The following SEC11A variants were observed in gnomAD, a reference collection of about 807,000 sequenced individuals.
SEC11A encodes the protein SEC11 homolog A, signal peptidase complex subunit.
A neutral mutation model predicts 25.6 loss-of-function variants in SEC11A; 14 were observed. That is an observed-to-expected ratio of 0.55 (90% CI 0.36 to 0.85). The LOEUF is 0.85. SEC11A is among the 40% of genes least tolerant of loss of function. The pLI is 0.01. For missense variants in SEC11A, 153 were observed against 222.9 expected, an observed-to-expected ratio of 0.69 and a Z score of 2.00; for synonymous variants, 83 against 76.4, an observed-to-expected ratio of 1.09 and a Z score of -0.45.
chr15:84,672,942 T>C, intron 4 of SEC11A: 1 of 220,934 alleles, frequency 4.5e-6, no homozygotes, highest in South Asian at 4.4e-5. Context: ...GAGGAGCGTC[T>C]CTGCCCGGCC....
At chr15:84,693,401 ACT>A (rs1897667402) in intron 1 of SEC11A, among the ~76,000 whole-genome samples, 1 of 150,622 alleles carries the variant, frequency 6.6e-6, no homozygotes, top group Admixed American at 6.6e-5. Flanking sequence ...AACTGGGGAA[ACT>A]CAAAATATGA....
chr15:84,692,625 T>C (rs543669913), intron 1 of SEC11A, among the ~76,000 whole-genome samples: 1 of 152,198 alleles, frequency 6.6e-6, no homozygotes, highest in South Asian at 2.1e-4. Context: ...GCAAAAAATA[T>C]TACAAAATCA....
Position 84,669,721 on chromosome 15 carries a change from C to A in SEC11A, c.*298G>T. The A allele has an allele frequency of 2.6e-6, 1 of 389,998 alleles. No individual in the cohort carries two copies. The highest frequency in any genetic ancestry group is 4.7e-6 in the Non-Finnish European group (1 of 211,294). 24.2% of individuals were successfully genotyped at this position (389,998 alleles called of 1,614,324 possible). On this transcript the variant is annotated 3_prime_UTR_variant, in exon 6 of 6. Transcript: ENST00000268220. ...GAAGCTTGGCTTCAAAATACAAACA[C>A]TGGGGGCTTTGGCTCAACCTTTTAA...
At chr15:84,699,107 G>GT (rs1313518431) in intron 1 of SEC11A, among the ~76,000 whole-genome samples, 5 of 152,088 alleles carry the variant, frequency 3.3e-5, no homozygotes, top group African/African-American at 4.8e-5. Context: ...TTGAGGCCAG[G>GT]AGTTTGAGAC....
At chr15:84,710,929 G>A (rs940357415) in intron 1 of SEC11A, among the ~76,000 whole-genome samples, 4 of 151,796 alleles carry the variant, frequency 2.6e-5, no homozygotes, top group African/African-American at 7.3e-5. Flanking sequence ...AAAAATTAGC[G>A]TGTGATCACA....
At chr15:84,672,815 T>C (rs1478363616) in intron 4 of SEC11A, 1 of 210,580 alleles carries the variant, frequency 4.7e-6, no homozygotes, top group South Asian at 5.6e-5. Flanking sequence ...ATCTAGGAAA[T>C]GAGGAGCGTC....
intron 3 of SEC11A, among the ~76,000 whole-genome samples, chr15:84,684,355 T>C (rs1040018413): frequency 6.6e-6 from 1 of 152,136 alleles, no homozygotes; most frequent in East Asian, 1.9e-4. Flanking sequence ...TCTCATGAGA[T>C]CCAATGGTTT....
intron 1 of SEC11A, among the ~76,000 whole-genome samples, chr15:84,714,018 C>CTTTTTTTTT (rs34873142): frequency 3.0e-5 from 3 of 100,430 alleles, no homozygotes; most frequent in Non-Finnish European, 3.7e-5. Flanking sequence ...CATATACCTT[C>CTTTTTTTTT]TTTTTTTTTT....
intron 4 of SEC11A, among the ~76,000 whole-genome samples, chr15:84,677,879 C>A (rs909594037): frequency 6.6e-6 from 1 of 152,066 alleles, no homozygotes; most frequent in African/African-American, 2.4e-5. Flanking sequence ...AGTGAGCAGA[C>A]AGAGCTGTAA....
intron 4 of SEC11A, 96 bp from the exon 5 acceptor site, chr15:84,670,878 A>T (rs1385669494): frequency 1.8e-6 from 1 of 552,564 alleles, no homozygotes; most frequent in Non-Finnish European, 3.2e-6. Context: ...TAGAATACTA[A>T]TTTTCAATTC....
chr15:84,689,641 AT>A (rs1897542802), intron 2 of SEC11A, among the ~76,000 whole-genome samples: 4 of 145,130 alleles, frequency 2.8e-5, no homozygotes, highest in African/African-American at 1.0e-4. Flanking sequence ...CAAAATTTCA[AT>A]TGTCACCCAG....
intron 1 of SEC11A, among the ~76,000 whole-genome samples, chr15:84,708,304 G>A (rs11636294): frequency 0.019 from 2,954 of 151,726 alleles, 52 homozygotes; most frequent in South Asian, 0.035. Flanking sequence ...ATGTAATGGG[G>A]ACTGATATCA....
intron 1 of SEC11A, among the ~76,000 whole-genome samples, chr15:84,715,822 C>A (rs6496355): frequency 1 from 151,993 of 152,288 alleles, 75,850 homozygotes; most frequent in Middle Eastern, 1. Flanking sequence ...GCCCCGCCCC[C>A]GGTAGGCCCT....
At chr15:84,688,973 T>C (rs1897512947) in intron 2 of SEC11A, among the ~76,000 whole-genome samples, 2 of 144,038 alleles carry the variant, frequency 1.4e-5, no homozygotes, top group Admixed American at 7.3e-5. Context: ...GGAGGTTGAA[T>C]GGGCTGAGAT....
chr15:84,694,375 A>C (rs1220527435), intron 1 of SEC11A, among the ~76,000 whole-genome samples: 1 of 152,158 alleles, frequency 6.6e-6, no homozygotes, highest in African/African-American at 2.4e-5. Flanking sequence ...GAAGAAAATA[A>C]AATAAATGTT....
At chr15:84,690,812 G>A (rs1897582476) in intron 2 of SEC11A, among the ~76,000 whole-genome samples, 1 of 152,114 alleles carries the variant, frequency 6.6e-6, no homozygotes, top group African/African-American at 2.4e-5. Flanking sequence ...TCCTGACATT[G>A]AGAACATGCT....
intron 2 of SEC11A, among the ~76,000 whole-genome samples, chr15:84,688,840 G>A (rs1897507626): frequency 6.6e-6 from 1 of 152,122 alleles, no homozygotes; most frequent in Admixed American, 6.6e-5. Flanking sequence ...TGACCAGCCT[G>A]ATCAACACAG....
intron 1 of SEC11A, among the ~76,000 whole-genome samples, chr15:84,708,537 C>T (rs1019338626): frequency 4.0e-5 from 6 of 151,816 alleles, no homozygotes; most frequent in Admixed American, 2.6e-4. Flanking sequence ...TTCACTAGAG[C>T]GACAACTCGT....
intron 4 of SEC11A, among the ~76,000 whole-genome samples, chr15:84,677,040 A>G (rs1298951319): frequency 2.0e-5 from 3 of 152,022 alleles, no homozygotes; most frequent in African/African-American, 7.2e-5. Context: ...GCAGTGAGCC[A>G]TGATTCTGCC....
Sources: allele counts gnomAD v4.1 joint callset (sites outside exome capture counted in the v4.1 genomes callset), GRCh38; gene constraint gnomAD v4.1.1; transcripts MANE v1.5; gene names NCBI Gene and HGNC (gene_info 2026-07-23, HGNC 2026-07-21).